Variants in NME9 observed in about 807,000 individuals in gnomAD.
NME9 encodes thioredoxin domain-containing protein 6.
NME9 carries 48 observed loss-of-function variants against 44.4 expected under a neutral mutation model. That is an observed-to-expected ratio of 1.08 (90% CI 0.86 to 1.37). The LOEUF (loss-of-function observed/expected upper bound fraction) is 1.37. NME9 is among the 40% of genes most tolerant of loss of function. The pLI is 0.00. For synonymous variants in NME9, 139 were observed against 147.1 expected (o/e 0.94, Z 0.40); for missense variants, 325 against 405.2 (o/e 0.80, Z 1.70).
In NME9 at chr3:138,305,881, C is replaced by CT; in HGVS notation, c.636+122dup. The CT allele has an allele frequency of 6.9e-6, 5 of 722,600 alleles. No homozygotes were observed. In the South Asian group the frequency reaches 8.4e-5, roughly 12 times the overall value. 44.8% of individuals were successfully genotyped at this position (722,600 alleles called of 1,614,324 possible). On this transcript the variant is annotated intron_variant, in intron 8 of 10. Coordinates refer to ENST00000333911, the MANE Select transcript of NME9 (RefSeq NM_001349018.2). ...ATTCTGAGAATAAATTCATGACCCA[C>CT]TTGCTGTTCCTATTTTGGTTCTTCA...
rs2054008425 is a variant in NME9 at position 138,329,747 on chromosome 3, T to G, written c.-412A>C. 1 of 1,012,894 alleles carries G rather than the reference T, an allele frequency of 9.9e-7. No individual in the cohort carries two copies. The highest frequency in any genetic ancestry group is 1.2e-6 in the Non-Finnish European group (1 of 847,844). 62.7% of individuals were successfully genotyped at this position (1,012,894 alleles called of 1,614,324 possible). A position where few individuals can be genotyped will look rare whatever the true frequency, so the allele number is the denominator to read the frequency against. ...GACCCTGTTATCCCTGCTGTTCTTA[T>G]GGATTACTGGGAAAGTGAGCCACTG... On this transcript the variant is annotated 5_prime_UTR_variant, in exon 1 of 11. Coordinates refer to ENST00000333911, the MANE Select transcript of NME9 (RefSeq NM_001349018.2).
At chr3:138,285,045 A>G (rs1315378395) in intron 8 of NME9, among the ~76,000 whole-genome samples, 1 of 152,168 alleles carries the variant, frequency 6.6e-6, no homozygotes, top group African/African-American at 2.4e-5. Flanking sequence ...ACAAAATTCT[A>G]ATCATGGAGG....
intron 6 of NME9, among the ~76,000 whole-genome samples, chr3:138,308,668 C>T (rs1307911384): frequency 2.0e-5 from 3 of 152,134 alleles, no homozygotes; most frequent in African/African-American, 7.2e-5. Flanking sequence ...GGTGTTGCTA[C>T]CCTCCATTTT....
exon 9 of NME9, chr3:138,262,582 C>G (rs1239911411): frequency 6.2e-7 from 1 of 1,607,756 alleles, no homozygotes; most frequent in African/African-American, 1.4e-5. Flanking sequence ...GTGTACTGGA[C>G]TCACCTGAGG....
Position 138,329,800 on chromosome 3 carries a change from C to T in NME9, c.-465G>A, listed in dbSNP as rs2108475446. ...AACGACAGGTACAAGATCTTCGACG[C>T]GCCCGGAGTCACCAACCGAGTCTGC... On this transcript the variant is annotated 5_prime_UTR_variant, in exon 1 of 11. Transcript: ENST00000333911. 1.0e-6 allele frequency: 1 copy of T among 987,444 alleles called. No individual in the cohort carries two copies. The highest frequency in any genetic ancestry group is 1.2e-6 in the Non-Finnish European group (1 of 831,322). The allele number at this position is 987,444 out of a possible 1,614,324, so 61.2% of individuals were successfully genotyped here. A position where few individuals can be genotyped will look rare whatever the true frequency, so the allele number is the denominator to read the frequency against.
intron 8 of NME9, among the ~76,000 whole-genome samples, chr3:138,287,414 T>C (rs13072952): frequency 2.0e-5 from 3 of 152,170 alleles, no homozygotes; most frequent in Non-Finnish European, 4.4e-5. Context: ...AAGAGATCTG[T>C]TTTGTGCATT....
intron 8 of NME9, among the ~76,000 whole-genome samples, chr3:138,295,367 T>A (rs1318355552): frequency 6.6e-6 from 1 of 152,218 alleles, no homozygotes; most frequent in African/African-American, 2.4e-5. Flanking sequence ...GACAGCCTCA[T>A]CCCATGGGCT....
chr3:138,306,383 TG>T lies in NME9; in HGVS notation c.543+14del, dbSNP rs1295428008. On this transcript the variant is annotated intron_variant, in intron 7 of 10. Coordinates refer to ENST00000333911, the MANE Select transcript of NME9 (RefSeq NM_001349018.2). ...CACAAGGACAGTGGTGCATGGTAAG[TG>T]TTGTCTCTCTTACCTTCATGATAAT... 1 of 1,558,850 alleles carries T rather than the reference TG, an allele frequency of 6.4e-7. No homozygotes were observed. The highest frequency in any genetic ancestry group is 1.7e-5 in the Admixed American group (1 of 59,954).
chr3:138,280,497 CTTT>C (rs1039909334), intron 8 of NME9, among the ~76,000 whole-genome samples: 2 of 107,092 alleles, frequency 1.9e-5, no homozygotes, highest in Admixed American at 9.4e-5. Flanking sequence ...TCTTTTTTTT[CTTT>C]TTTTTTTTTT....
At chr3:138,304,848 A>G (rs1485112590) in intron 9 of NME9, 25 bp downstream of exon 9, 24 of 1,608,820 alleles carry the variant, frequency 1.5e-5, no homozygotes, top group Non-Finnish European at 2.0e-5. Flanking sequence ...AAGATGGATG[A>G]AAGGACCACA....
At chr3:138,297,631 C>G (rs886410997), downstream of NME9, 2 of 152,190 alleles carry the variant, frequency 1.3e-5, no homozygotes, top group African/African-American at 4.8e-5. Flanking sequence ...ACCCAAGATT[C>G]AAACACAGAG....
At chr3:138,263,141 G>A (rs868162859) in intron 8 of NME9, among the ~76,000 whole-genome samples, 11 of 152,178 alleles carry the variant, frequency 7.2e-5, no homozygotes, top group Admixed American at 1.3e-4. Context: ...TATTTATTTT[G>A]TATCTAGACA....
downstream of NME9, among the ~76,000 whole-genome samples, chr3:138,299,062 C>T (rs2051709682): frequency 2.6e-5 from 4 of 152,206 alleles, no homozygotes; most frequent in South Asian, 8.3e-4. Context: ...CACCCCAGAT[C>T]TTGATGGAGG....
At chr3:138,264,412 C>CTTTTTTT (rs11298899) in intron 8 of NME9, among the ~76,000 whole-genome samples, 17 of 48,626 alleles carry the variant, frequency 3.5e-4, no homozygotes, top group African/African-American at 3.9e-4. Context: ...GATTTTCTTT[C>CTTTTTTT]TTTTTTTTTT....
At chr3:138,301,744 C>CCCTGT (rs1345998390) in intron 10 of NME9, 40 bp from the exon 11 acceptor site, 1 of 1,475,426 alleles carries the variant, frequency 6.8e-7, no homozygotes, top group Non-Finnish European at 9.2e-7. Context: ...CCTGAAACAG[C>CCCTGT]CCTGTCCCAG....
At chr3:138,306,580 A>G (rs1183952355) in intron 6 of NME9, 100 bp from the exon 7 acceptor site, 1 of 713,008 alleles carries the variant, frequency 1.4e-6, no homozygotes, top group Admixed American at 2.5e-5. Context: ...CCATTGCACC[A>G]AGTGCCAGGC....
intron 8 of NME9, among the ~76,000 whole-genome samples, chr3:138,267,423 T>C (rs1334621742): frequency 6.6e-6 from 1 of 152,222 alleles, no homozygotes; most frequent in African/African-American, 2.4e-5. Context: ...GGTTATCATT[T>C]CCCATTATTC....
rs535783754 is a variant in NME9, at chr3:138,279,607, G to T, written c.746-17021C>A. 1.8e-4 allele frequency among the ~76,000 whole-genome samples: 28 copies of T among 152,204 alleles called. 1 individual carries two copies. In the South Asian group the frequency reaches 5.6e-3, roughly 30 times the overall value. On this transcript the variant is annotated intron_variant, in intron 8 of 8. Transcript: ENST00000317876. ...TCAATTTTCTGCAAAAATTTGTGAAGAATTAATTATTTTTTTCTTCAATTT... is the reference window on the plus strand; with the variant it reads ...TCAATTTTCTGCAAAAATTTGTGAATAATTAATTATTTTTTTCTTCAATTT...
chr3:138,300,971 A>T, downstream of NME9: 1 of 769,238 alleles, frequency 1.3e-6, no homozygotes, highest in Non-Finnish European at 1.6e-6. Flanking sequence ...TTTCAAGCTC[A>T]TGGTTACCAA....
Sources: allele counts gnomAD v4.1 joint callset (sites outside exome capture counted in the v4.1 genomes callset), GRCh38; gene constraint gnomAD v4.1.1; transcripts MANE v1.5; gene names NCBI Gene and HGNC (gene_info 2026-07-23, HGNC 2026-07-21).